The following DLG2 variants were observed in gnomAD, a reference collection of about 807,000 sequenced individuals.
DLG2 encodes the protein discs large MAGUK scaffold protein 2.
Under a neutral mutation model 132.5 loss-of-function variants are expected in DLG2, and 45 were observed. That is an observed-to-expected ratio of 0.34 (90% CI 0.27 to 0.44). The LOEUF is 0.44. Ranked by LOEUF, DLG2 falls within the 20% of genes least tolerant of loss-of-function variation. DLG2 has a pLI of 1.00. For missense variants in DLG2, 1,045 were observed against 1,196.9 expected (o/e 0.87, Z 1.87); for synonymous variants, 424 against 419.6 (o/e 1.01, Z -0.13).
At chr11:83,698,685 A>G (rs957154735) in intron 18 of DLG2, among the ~76,000 whole-genome samples, 1 of 152,224 alleles carries the variant, frequency 6.6e-6, no homozygotes, top group Non-Finnish European at 1.5e-5. Flanking sequence ...GAATTTCATG[A>G]GATGATAATA....
intron 17 of DLG2, among the ~76,000 whole-genome samples, chr11:83,809,679 C>T (rs1478635556): frequency 6.6e-6 from 1 of 152,118 alleles, no homozygotes; most frequent in East Asian, 1.9e-4. Flanking sequence ...AGGTTTATAT[C>T]ATCTGCATTG....
At position 85,583,128 on chromosome 11, in the gene DLG2, GTGTATATA is replaced by G. The variant is rs1166738484; in HGVS notation, c.40+15521_40+15528del. Among the ~76,000 whole-genome samples the G allele has an allele frequency of 1.0e-3, 28 of 27,424 alleles. No homozygotes were observed. The South Asian group carries it at 0.013, about 12-fold the overall frequency. 18.0% of individuals were successfully genotyped at this position (27,424 alleles called of 152,430 possible). On this transcript the variant is annotated intron_variant, in intron 3 of 27. Transcript: ENST00000376104. Reference sequence around the variant, plus strand: ...TGTGTGTGTGTGTGTGTGTGTGTGTGTGTATATATATATATATATATATATATATATAT... The same window carrying G: ...TGTGTGTGTGTGTGTGTGTGTGTGTGTATATATATATATATATATATATAT...
intron 23 of DLG2, 73 bp from the exon 24 acceptor site, chr11:83,471,800 T>C (rs944360785): frequency 2.0e-5 from 24 of 1,218,002 alleles, no homozygotes; most frequent in Non-Finnish European, 2.8e-5. Context: ...CCTGCAAGGG[T>C]GATTCTTAAT....
At chr11:83,814,844 A>G in intron 17 of DLG2, 1 of 241,286 alleles carries the variant, frequency 4.1e-6, no homozygotes, top group Non-Finnish European at 9.1e-6. Context: ...TGTTCACTCC[A>G]CTCCACACAG....
At chr11:84,991,424 G>A (rs2057090366) in intron 6 of DLG2, among the ~76,000 whole-genome samples, 1 of 145,920 alleles carries the variant, frequency 6.9e-6, no homozygotes, top group Non-Finnish European at 1.5e-5. Flanking sequence ...TGGGAGGATC[G>A]ATTTACCCCA....
intron 12 of DLG2, among the ~76,000 whole-genome samples, chr11:83,972,587 T>C (rs1457228670): frequency 1.3e-5 from 2 of 152,132 alleles, no homozygotes; most frequent in Admixed American, 6.6e-5. Flanking sequence ...TCTATTCCCC[T>C]AGCTGATGCA....
rs1242580688 is a variant in DLG2, at chr11:85,080,778, A to C, written c.357+30883T>G. On this transcript the variant is annotated intron_variant, in intron 6 of 27. Coordinates refer to ENST00000376104, the MANE Select transcript of DLG2 (RefSeq NM_001142699.3). ...GAGTGGAGTCTCTCAATTGTTGTCC[A>C]ATCATCAAGCTGGAGGTGGTGTTTA... is the stretch of plus-strand genomic sequence containing the variant. Among the ~76,000 whole-genome samples the C allele has an allele frequency of 5.3e-5, 8 of 152,134 alleles. 1 individual carries two copies. Among genetic ancestry groups the C allele is most frequent in the Admixed American group, 3.3e-4 (5 of 15,278 alleles).
At chr11:85,294,610 T>C (rs550262295) in intron 3 of DLG2, among the ~76,000 whole-genome samples, 1 of 152,300 alleles carries the variant, frequency 6.6e-6, no homozygotes, top group East Asian at 1.9e-4. Context: ...GTACTCCATG[T>C]GGTTGAACAG....
intron 10 of DLG2, among the ~76,000 whole-genome samples, chr11:84,074,676 C>T (rs922123710): frequency 1.3e-5 from 2 of 151,782 alleles, no homozygotes; most frequent in Non-Finnish European, 2.9e-5. Context: ...CTATAGGCGC[C>T]GGCCACCACG....
At chr11:84,498,640 A>G in intron 7 of DLG2, among the ~76,000 whole-genome samples, 1 of 152,346 alleles carries the variant, frequency 6.6e-6, no homozygotes, top group East Asian at 1.9e-4. Context: ...TCTTGTGCCA[A>G]AAGAAACCCT....
At chr11:85,290,435 T>G (rs1237010376) in intron 3 of DLG2, among the ~76,000 whole-genome samples, 4 of 151,972 alleles carry the variant, frequency 2.6e-5, no homozygotes, top group African/African-American at 9.7e-5. Flanking sequence ...CTAGCAACAT[T>G]GGACTTAAGA....
At chr11:85,034,269 G>A (rs371167094) in intron 6 of DLG2, among the ~76,000 whole-genome samples, 105 of 152,010 alleles carry the variant, frequency 6.9e-4, no homozygotes, top group African/African-American at 2.1e-3. Flanking sequence ...TAGTAGAGAC[G>A]GAGTTTCACC....
At chr11:84,290,082 C>A (rs2097967534) in intron 7 of DLG2, among the ~76,000 whole-genome samples, 1 of 152,050 alleles carries the variant, frequency 6.6e-6, no homozygotes, top group African/African-American at 2.4e-5. Context: ...GGCTGAGTAT[C>A]TATAGCGCTG....
chr11:85,098,625 CTCTT>C (rs2070320718), intron 6 of DLG2, among the ~76,000 whole-genome samples: 2 of 152,274 alleles, frequency 1.3e-5, no homozygotes, highest in South Asian at 2.1e-4. Flanking sequence ...AACAAACTGA[CTCTT>C]TCAACAAAGT....
At chr11:84,389,422 C>T (rs1414238098) in intron 7 of DLG2, among the ~76,000 whole-genome samples, 1 of 152,058 alleles carries the variant, frequency 6.6e-6, no homozygotes, top group South Asian at 2.1e-4. Context: ...TATTTTTGTA[C>T]CTGTAATATA....
At chr11:84,381,571 T>C (rs188283477) in intron 7 of DLG2, among the ~76,000 whole-genome samples, 6 of 152,286 alleles carry the variant, frequency 3.9e-5, no homozygotes, top group Admixed American at 3.3e-4. Context: ...AATAATTCAG[T>C]TCATTAATAT....
chr11:85,033,895 T>G (rs139656288), intron 6 of DLG2, among the ~76,000 whole-genome samples: 7 of 152,094 alleles, frequency 4.6e-5, no homozygotes, highest in African/African-American at 1.7e-4. Flanking sequence ...TGTGAAAGAA[T>G]TTTTGTTAAA....
chr11:83,587,595 G>C (rs1036853526), intron 19 of DLG2, among the ~76,000 whole-genome samples: 2 of 152,042 alleles, frequency 1.3e-5, no homozygotes, highest in African/African-American at 2.4e-5. Context: ...TTTATATATA[G>C]AGAGAGTTTC....
At chr11:83,491,564 G>C (rs1329607227) in intron 21 of DLG2, among the ~76,000 whole-genome samples, 1 of 151,980 alleles carries the variant, frequency 6.6e-6, no homozygotes, top group African/African-American at 2.4e-5. Context: ...AGTTGGGGAG[G>C]CTCAATTCCA....
Sources: allele counts gnomAD v4.1 joint callset (sites outside exome capture counted in the v4.1 genomes callset), GRCh38; gene constraint gnomAD v4.1.1; transcripts MANE v1.5; gene names NCBI Gene and HGNC (gene_info 2026-07-23, HGNC 2026-07-21).